NRXN3: variants seen among roughly 807,000 people sequenced by gnomAD.
NRXN3 encodes neurexin III.
NRXN3 carries 32 observed loss-of-function variants against 137.6 expected under a neutral mutation model. That is an observed-to-expected ratio of 0.23 (90% CI 0.18 to 0.31). NRXN3 has a LOEUF of 0.31. Among genes scored for constraint, NRXN3 ranks in the 10% least tolerant of loss-of-function variants. The pLI is 1.00. For synonymous variants in NRXN3, 798 were observed against 784.5 expected (o/e 1.02, Z -0.29); for missense variants, 1,574 against 2,062.5 (o/e 0.76, Z 4.59).
At chr14:78,547,624 C>T (rs2096649091) in intron 4 of NRXN3, among the ~76,000 whole-genome samples, 1 of 151,888 alleles carries the variant, frequency 6.6e-6, no homozygotes, top group Non-Finnish European at 1.5e-5. Context: ...TATGTTTCCT[C>T]TTCATTCAGA....
At chr14:78,775,699 C>G (rs962124634) in intron 8 of NRXN3, among the ~76,000 whole-genome samples, 1 of 152,132 alleles carries the variant, frequency 6.6e-6, no homozygotes, top group Admixed American at 6.5e-5. Context: ...AAACTATTCT[C>G]TTTTTAATTT....
At chr14:78,341,707 G>T (rs2082164864) in intron 4 of NRXN3, among the ~76,000 whole-genome samples, 1 of 152,178 alleles carries the variant, frequency 6.6e-6, no homozygotes, top group Non-Finnish European at 1.5e-5. Flanking sequence ...GTTCAGAAAG[G>T]ATTGCACTAA....
intron 10 of NRXN3, among the ~76,000 whole-genome samples, chr14:78,815,479 C>CTTT (rs61411777): frequency 0.66 from 55,665 of 84,004 alleles, 18,909 homozygotes; most frequent in Non-Finnish European, 0.76. Flanking sequence ...TTGTTTCTTT[C>CTTT]TTTTTTTTTT....
At chr14:79,637,532 A>G (rs2098410289) in intron 16 of NRXN3, among the ~76,000 whole-genome samples, 1 of 152,068 alleles carries the variant, frequency 6.6e-6, no homozygotes, top group Admixed American at 6.5e-5. Flanking sequence ...ACACTCCCAG[A>G]CATGGTGGAG....
chr14:79,636,546 C>T (rs1238899627), intron 16 of NRXN3, among the ~76,000 whole-genome samples: 1 of 152,166 alleles, frequency 6.6e-6, no homozygotes, highest in East Asian at 1.9e-4. Context: ...TTCCAGGCAC[C>T]TAACCCAGGG....
At chr14:78,934,630 A>G (rs1160172375) in intron 10 of NRXN3, among the ~76,000 whole-genome samples, 1 of 152,192 alleles carries the variant, frequency 6.6e-6, no homozygotes, top group Non-Finnish European at 1.5e-5. Context: ...TTAAGAAGAA[A>G]TAAAAAATGA....
intron 2 of NRXN3, among the ~76,000 whole-genome samples, chr14:78,257,644 G>C (rs966225183): frequency 6.6e-6 from 1 of 152,200 alleles, no homozygotes; most frequent in Non-Finnish European, 1.5e-5. Flanking sequence ...AGCTGTTTGC[G>C]GTAGTCAATG....
chr14:78,625,696 C>T (rs1273308762), intron 4 of NRXN3, among the ~76,000 whole-genome samples: 5 of 152,152 alleles, frequency 3.3e-5, no homozygotes, highest in Admixed American at 2.6e-4. Context: ...TGATGCTCAA[C>T]AATCAGTCAC....
chr14:78,554,065 C>A (rs537854444), intron 4 of NRXN3, among the ~76,000 whole-genome samples: 213 of 152,190 alleles, frequency 1.4e-3, no homozygotes, highest in Middle Eastern at 6.8e-3. Flanking sequence ...AAGTGGGTGG[C>A]AGAGAGTAAA....
intron 4 of NRXN3, among the ~76,000 whole-genome samples, chr14:78,411,551 C>G (rs1285454075): frequency 2.0e-5 from 3 of 152,290 alleles, no homozygotes; most frequent in Admixed American, 1.3e-4. Flanking sequence ...AAGCCTGGTT[C>G]TTTTATGAGC....
At chr14:78,951,960 T>C (rs980288234) in intron 10 of NRXN3, among the ~76,000 whole-genome samples, 1 of 152,278 alleles carries the variant, frequency 6.6e-6, no homozygotes, top group South Asian at 2.1e-4. Flanking sequence ...GCTTATTAAA[T>C]CCTGATAAAT....
chr14:79,435,368 G>T (rs992793929), intron 15 of NRXN3, among the ~76,000 whole-genome samples: 1 of 151,732 alleles, frequency 6.6e-6, no homozygotes, highest in Non-Finnish European at 1.5e-5. Flanking sequence ...GTTTGCAACT[G>T]CCAGAGATTG....
intron 15 of NRXN3, among the ~76,000 whole-genome samples, chr14:78,994,074 T>G (rs1383953982): frequency 3.9e-5 from 6 of 151,932 alleles, no homozygotes; most frequent in Non-Finnish European, 5.9e-5. Context: ...CAGGCTGGTC[T>G]CGAATTCCTG....
chr14:79,038,867 A>G lies in NRXN3; in HGVS notation c.3262+50726A>G, dbSNP rs2099620557. On this transcript the variant is annotated intron_variant, in intron 15 of 20. Coordinates refer to ENST00000335750, the MANE Select transcript of NRXN3 (RefSeq NM_001330195.2). ...CCTGGTTCCATCTGGATCTCTGGGA[A>G]AATTTTCCATCTTTATTTGCCATAA... 3.9e-5 allele frequency among the ~76,000 whole-genome samples: 6 copies of G among 152,224 alleles called. No individual in the cohort carries two copies. In the South Asian group the frequency reaches 1.2e-3, roughly 32 times the overall value.
chr14:78,513,271 C>T (rs17835050), intron 4 of NRXN3, among the ~76,000 whole-genome samples: 7,773 of 152,176 alleles, frequency 0.051, 273 homozygotes, highest in Non-Finnish European at 0.072. Context: ...GTATGGCACA[C>T]GATAGGTACT....
chr14:79,752,547 C>T (rs2099001884), intron 19 of NRXN3, among the ~76,000 whole-genome samples: 1 of 152,116 alleles, frequency 6.6e-6, no homozygotes, highest in Non-Finnish European at 1.5e-5. Flanking sequence ...CCCTTCCTTA[C>T]ACCTTATACA....
At chr14:79,612,692 A>G (rs1033646776) in intron 16 of NRXN3, among the ~76,000 whole-genome samples, 1 of 152,110 alleles carries the variant, frequency 6.6e-6, no homozygotes, top group East Asian at 1.9e-4. Flanking sequence ...TCTACATAAA[A>G]ATTTTACAAT....
chr14:78,828,093 A>C (rs2098972049), intron 10 of NRXN3, among the ~76,000 whole-genome samples: 1 of 152,162 alleles, frequency 6.6e-6, no homozygotes, highest in Non-Finnish European at 1.5e-5. Context: ...TGAGGATTTT[A>C]CCATAGTTTT....
At chr14:78,287,814 A>G (rs1410550141) in intron 3 of NRXN3, among the ~76,000 whole-genome samples, 1 of 151,518 alleles carries the variant, frequency 6.6e-6, no homozygotes, top group Non-Finnish European at 1.5e-5. Context: ...TTTTTTTTTT[A>G]AGCATTCTCC....
Sources: gnomAD v4.1 joint callset for allele counts (sites outside exome capture counted in the v4.1 genomes callset) on GRCh38, gnomAD v4.1.1 for gene constraint, MANE v1.5 for transcripts, NCBI Gene and HGNC (gene_info 2026-07-23, HGNC 2026-07-21) for gene names.